SHISA6: variants seen among roughly 807,000 people sequenced by gnomAD.
SHISA6 encodes the protein shisa family member 6, also known as protein shisa-6.
In SHISA6, 22 loss-of-function variants were observed where a neutral mutation model predicts 47.9. That is an observed-to-expected ratio of 0.46 (90% CI 0.33 to 0.66). SHISA6 has a LOEUF of 0.66. Ranked by LOEUF, SHISA6 falls within the 30% of genes least tolerant of loss-of-function variation. The pLI, the probability that SHISA6 is intolerant of heterozygous loss-of-function variation, is 0.02. For synonymous variants in SHISA6, 388 were observed against 337.8 expected (o/e 1.15, Z -1.63); for missense variants, 680 against 764.6 (o/e 0.89, Z 1.30).
intron 3 of SHISA6, among the ~76,000 whole-genome samples, chr17:11,429,412 T>C (rs956788727): frequency 6.6e-6 from 1 of 152,074 alleles, no homozygotes; most frequent in Non-Finnish European, 1.5e-5. Context: ...GAGGGAACCA[T>C]AGGAGCCAGT....
chr17:11,429,858 T>C lies in SHISA6; in HGVS notation c.895+50349T>C, dbSNP rs147816810. On this transcript the variant is annotated intron_variant, in intron 3 of 5. Transcript: ENST00000441885. ...GTCAATCAAATATCCCTCATAGGAA[T>C]TGAAAAAAAAAAAAACAATAAACTT... 2.5e-3 allele frequency among the ~76,000 whole-genome samples: 363 copies of C among 144,740 alleles called. 1 individual carries two copies. Among genetic ancestry groups the C allele is most frequent in the African/African-American group, 8.7e-3 (344 of 39,654 alleles). 95.0% of individuals were successfully genotyped at this position (144,740 alleles called of 152,430 possible).
chr17:11,429,783 C>T (rs781732853), intron 3 of SHISA6, among the ~76,000 whole-genome samples: 1 of 150,750 alleles, frequency 6.6e-6, no homozygotes, highest in African/African-American at 2.5e-5. Flanking sequence ...AAGAGTGAAA[C>T]TCCGTCTCAA....
intron 2 of SHISA6, among the ~76,000 whole-genome samples, chr17:11,330,329 A>T (rs1294584758): frequency 6.6e-6 from 1 of 152,110 alleles, no homozygotes. Context: ...GTGATTTACC[A>T]ATGTTAGGGC....
At chr17:11,335,369 T>C (rs1306702733) in intron 2 of SHISA6, among the ~76,000 whole-genome samples, 3 of 152,172 alleles carry the variant, frequency 2.0e-5, no homozygotes, top group African/African-American at 7.2e-5. Context: ...GTGAACATGC[T>C]CCTTCTCCAG....
At chr17:11,502,895 T>G (rs1289238128) in intron 3 of SHISA6, among the ~76,000 whole-genome samples, 1 of 152,160 alleles carries the variant, frequency 6.6e-6, no homozygotes, top group Non-Finnish European at 1.5e-5. Flanking sequence ...TTGGATGGGT[T>G]TGGGCACAGA....
intron 3 of SHISA6, among the ~76,000 whole-genome samples, chr17:11,529,195 AAAAAAAAATT>A (rs2071712624): frequency 6.6e-6 from 1 of 152,028 alleles, no homozygotes; most frequent in African/African-American, 2.4e-5. Context: ...TCCATCTCAA[AAAAAAAAATT>A]AAAAAAAATT....
At position 11,241,912 on chromosome 17, in the gene SHISA6, G is replaced by T. The variant is rs1298728401; in HGVS notation, c.490G>T (p.Glu164Ter). ...PSTKVVSPGP[E>*]NKYDPEKDKT... ...CACCAAGGTGGTGTCGCCGGGGCCC[G>T]AGAACAAGTACGACCCGGAGAAGGA... The change falls in exon 1 of 6, where the codon GAG becomes TAG. Residue 164 changes from glutamate to a stop codon, truncating the protein, a stop_gained. Coordinates refer to ENST00000441885, the MANE Select transcript of SHISA6 (RefSeq NM_207386.4). LOFTEE classifies it high-confidence loss of function. The surrounding 1 kb of genome is among the most constrained non-coding windows in gnomAD (Gnocchi z 5.5). 6.4e-7 allele frequency: 1 copy of T among 1,551,050 alleles called. No homozygotes were observed. The highest frequency in any genetic ancestry group is 2.0e-5 in the Admixed American group (1 of 51,014).
intron 3 of SHISA6, among the ~76,000 whole-genome samples, chr17:11,546,225 A>C (rs1426904088): frequency 6.6e-6 from 1 of 152,164 alleles, no homozygotes; most frequent in Non-Finnish European, 1.5e-5. Context: ...CTCTCTTATA[A>C]TGATTTCTAA....
chr17:11,296,990 C>T (rs1480078166), intron 2 of SHISA6, among the ~76,000 whole-genome samples: 1 of 152,184 alleles, frequency 6.6e-6, no homozygotes, highest in African/African-American at 2.4e-5. Context: ...TCAGAAAGAG[C>T]AGTCCCACTG....
chr17:11,262,484 G>A (rs1307262658), intron 1 of SHISA6, among the ~76,000 whole-genome samples: 3 of 152,220 alleles, frequency 2.0e-5, no homozygotes, highest in African/African-American at 7.2e-5. Flanking sequence ...CACACCCACA[G>A]AGGGCATCCT....
intron 4 of SHISA6, among the ~76,000 whole-genome samples, chr17:11,555,062 T>C (rs2071964258): frequency 6.6e-6 from 1 of 152,200 alleles, no homozygotes; most frequent in Non-Finnish European, 1.5e-5. Flanking sequence ...GATGATGTGC[T>C]ATGCATTTTT....
At chr17:11,428,530 C>CT (rs1387523601) in intron 3 of SHISA6, among the ~76,000 whole-genome samples, 20 of 152,204 alleles carry the variant, frequency 1.3e-4, no homozygotes, top group African/African-American at 4.8e-4. Flanking sequence ...ACATCTGTGG[C>CT]TACGGCGCTA....
At chr17:11,310,262 AG>A (rs777002382) in intron 2 of SHISA6, among the ~76,000 whole-genome samples, 1 of 152,216 alleles carries the variant, frequency 6.6e-6, no homozygotes, top group Non-Finnish European at 1.5e-5. Flanking sequence ...TACCAGAATG[AG>A]CAAAATCTGT....
At chr17:11,322,534 A>G (rs1461497531) in intron 2 of SHISA6, among the ~76,000 whole-genome samples, 2 of 152,210 alleles carry the variant, frequency 1.3e-5, no homozygotes, top group African/African-American at 4.8e-5. Context: ...CTTAACTTAG[A>G]ACAGTATGAG....
At chr17:11,332,908 C>T (rs577781762) in intron 2 of SHISA6, among the ~76,000 whole-genome samples, 1 of 152,240 alleles carries the variant, frequency 6.6e-6, no homozygotes, top group South Asian at 2.1e-4. Context: ...GTGTCATTGT[C>T]TCTCGGGTGG....
At chr17:11,505,181 CTCCTT>C (rs1448850876) in intron 3 of SHISA6, among the ~76,000 whole-genome samples, 1 of 152,218 alleles carries the variant, frequency 6.6e-6, no homozygotes, top group Non-Finnish European at 1.5e-5. Flanking sequence ...CGCTGTCTCT[CTCCTT>C]TCTTTTCCAA....
rs142638980 is a variant in SHISA6, at chr17:11,368,925, G to A, written c.800-10489G>A. Among the ~76,000 whole-genome samples the A allele has an allele frequency of 2.1e-3, 323 of 152,260 alleles. 3 individuals carry two copies. Among genetic ancestry groups the A allele is most frequent in the African/African-American group, 7.3e-3 (302 of 41,544 alleles). ...CCACCTCAGCCTCCCAAAGTGCTGGGATTACAGGCATGGGCCACCGAACCC... is the reference window on the plus strand; with the variant it reads ...CCACCTCAGCCTCCCAAAGTGCTGGAATTACAGGCATGGGCCACCGAACCC... On this transcript the variant is annotated intron_variant, in intron 2 of 5. Transcript: ENST00000441885.
At chr17:11,421,463 T>G (rs907744840) in intron 3 of SHISA6, among the ~76,000 whole-genome samples, 1 of 152,226 alleles carries the variant, frequency 6.6e-6, no homozygotes, top group Non-Finnish European at 1.5e-5. Context: ...TTACAGCTCA[T>G]ACCATGAATC....
At position 11,499,725 on chromosome 17, in the gene SHISA6, A is replaced by G. The variant is rs369573854; in HGVS notation, c.896-52171A>G. On this transcript the variant is annotated intron_variant, in intron 3 of 5. Transcript: ENST00000441885. ...TGTTGTTGTTGTTGTTGTTTGAGAC[A>G]GAGTCTCACTCTGTTGCCCAGGCTG... Among the ~76,000 whole-genome samples the G allele has an allele frequency of 6.8e-3, 962 of 141,600 alleles. 14 individuals carry two copies. Among genetic ancestry groups the G allele is most frequent in the African/African-American group, 0.025 (914 of 36,858 alleles). 92.9% of individuals were successfully genotyped at this position (141,600 alleles called of 152,430 possible). A position where few individuals can be genotyped will look rare whatever the true frequency, so the allele number is the denominator to read the frequency against.
Sources: gnomAD v4.1 joint callset for allele counts (sites outside exome capture counted in the v4.1 genomes callset) on GRCh38, gnomAD v4.1.1 for gene constraint, Gnocchi (gnomAD v3.1) non-coding constraint, MANE v1.5 for transcripts, NCBI Gene and HGNC (gene_info 2026-07-23, HGNC 2026-07-21) for gene names.